The following BMPR1B variants were observed in gnomAD, a reference collection of about 807,000 sequenced individuals.
The protein encoded by BMPR1B is bone morphogenetic protein receptor type 1B, also known as bone morphogenetic protein receptor type-1B.
A neutral mutation model predicts 59.1 loss-of-function variants in BMPR1B; 12 were observed. That is an observed-to-expected ratio of 0.20 (90% CI 0.13 to 0.33). The LOEUF (loss-of-function observed/expected upper bound fraction) is 0.33. BMPR1B is among the 10% of genes least tolerant of loss of function. The pLI, the probability that BMPR1B is intolerant of heterozygous loss-of-function variation, is 1.00. For synonymous variants in BMPR1B, 237 were observed against 207.3 expected (o/e 1.14, Z -1.23); for missense variants, 550 against 610.9 (o/e 0.90, Z 1.05).
chr4:94,808,778 T>C (rs9999110), intron 1 of BMPR1B, among the ~76,000 whole-genome samples: 9,643 of 152,230 alleles, frequency 0.063, 424 homozygotes, highest in Middle Eastern at 0.15. Flanking sequence ...TTTTACAGGC[T>C]GGGCGCAGTG....
At chr4:94,825,849 A>G (rs1454917017) in intron 1 of BMPR1B, among the ~76,000 whole-genome samples, 2 of 152,222 alleles carry the variant, frequency 1.3e-5, no homozygotes, top group Admixed American at 6.5e-5. Context: ...AACAAATTTT[A>G]TAAGTACACA....
In BMPR1B at chr4:95,157,192, A is replaced by G. The variant is rs902084630; in HGVS notation, c.*2519A>G. ...TTGGAAAAGATTGGTCCTATCCTCA[A>G]TCTAATTTATTCACTATTAATATTT... On this transcript the variant is annotated 3_prime_UTR_variant, in exon 13 of 13. Coordinates refer to ENST00000515059, the MANE Select transcript of BMPR1B (RefSeq NM_001203.3). The G allele has an allele frequency of 2.6e-5, 4 of 152,116 alleles. No individual in the cohort carries two copies. Among genetic ancestry groups the G allele is most frequent in the Non-Finnish European group, 5.9e-5 (4 of 67,986 alleles). The allele number at this position is 152,116 out of a possible 1,614,324, so 9.4% of individuals were successfully genotyped here.
At chr4:95,051,845 C>T in intron 3 of BMPR1B, 1 of 1,439,298 alleles carries the variant, frequency 6.9e-7, no homozygotes, top group East Asian at 2.5e-5. Flanking sequence ...GCTTTTATCG[C>T]AGAAGGGAAA....
intron 8 of BMPR1B, among the ~76,000 whole-genome samples, chr4:95,128,699 G>T (rs906614121): frequency 6.6e-6 from 1 of 152,046 alleles, no homozygotes; most frequent in Non-Finnish European, 1.5e-5. Flanking sequence ...TTGTCTACCT[G>T]TTTTGCATTT....
At chr4:95,132,355 A>C (rs1169301979) in intron 10 of BMPR1B, among the ~76,000 whole-genome samples, 1 of 152,182 alleles carries the variant, frequency 6.6e-6, no homozygotes, top group Non-Finnish European at 1.5e-5. Context: ...ACAAAGAAAA[A>C]GTCATGGAGA....
intron 2 of BMPR1B, among the ~76,000 whole-genome samples, chr4:94,937,005 T>C (rs1207141681): frequency 2.0e-5 from 3 of 152,174 alleles, no homozygotes; most frequent in African/African-American, 4.8e-5. Flanking sequence ...CCTCCAGGAC[T>C]GGAGGAATGT....
chr4:94,972,286 CTTGT>C (rs61660592), intron 2 of BMPR1B, among the ~76,000 whole-genome samples: 14,125 of 151,744 alleles, frequency 0.093, 1,407 homozygotes, highest in African/African-American at 0.25. Flanking sequence ...CATTAGCTAA[CTTGT>C]TTATTTGCTC....
At chr4:94,944,922 G>A (rs17022671) in intron 2 of BMPR1B, among the ~76,000 whole-genome samples, 35,820 of 152,048 alleles carry the variant, frequency 0.24, 4,488 homozygotes, top group Middle Eastern at 0.28. Flanking sequence ...AACAGCAGCT[G>A]TGCACTTTTG....
At chr4:95,026,992 T>C (rs1724472976) in intron 3 of BMPR1B, among the ~76,000 whole-genome samples, 1 of 151,980 alleles carries the variant, frequency 6.6e-6, no homozygotes, top group Non-Finnish European at 1.5e-5. Context: ...CCCAAACTCC[T>C]GGGCTCAAGT....
At chr4:94,887,884 C>T (rs1240001024) in intron 2 of BMPR1B, among the ~76,000 whole-genome samples, 1 of 151,936 alleles carries the variant, frequency 6.6e-6, no homozygotes, top group Non-Finnish European at 1.5e-5. Context: ...ATCGGAATCC[C>T]TATATATTGA....
intron 2 of BMPR1B, among the ~76,000 whole-genome samples, chr4:94,927,156 T>G (rs187396315): frequency 6.6e-6 from 1 of 152,274 alleles, no homozygotes; most frequent in African/African-American, 2.4e-5. Context: ...ACTGGTTTGT[T>G]CATTCCTTGC....
intron 2 of BMPR1B, among the ~76,000 whole-genome samples, chr4:94,949,738 C>G (rs1422335425): frequency 6.6e-6 from 1 of 152,068 alleles, no homozygotes; most frequent in Non-Finnish European, 1.5e-5. Flanking sequence ...GTGAATAGTG[C>G]CACAATAAAC....
chr4:94,993,586 ACCCAT>A (rs956490538), intron 2 of BMPR1B, among the ~76,000 whole-genome samples: 11 of 151,728 alleles, frequency 7.2e-5, no homozygotes, highest in Non-Finnish European at 1.3e-4. Context: ...ATGGCAAAAC[ACCCAT>A]CTCTACTAAA....
intron 2 of BMPR1B, among the ~76,000 whole-genome samples, chr4:94,977,375 G>T (rs561283415): frequency 2.6e-5 from 4 of 151,704 alleles, no homozygotes; most frequent in African/African-American, 9.7e-5. Context: ...ACTATACCTG[G>T]TATTTTATTT....
chr4:95,026,098 A>ATTTCTTTC (rs70946580), intron 3 of BMPR1B, among the ~76,000 whole-genome samples: 11,103 of 100,912 alleles, frequency 0.11, 701 homozygotes, highest in African/African-American at 0.15. Context: ...GCTTTCTTTC[A>ATTTCTTTC]TTTCTTTCTT....
At chr4:95,030,274 A>T (rs1184528269) in intron 3 of BMPR1B, among the ~76,000 whole-genome samples, 1 of 152,192 alleles carries the variant, frequency 6.6e-6, no homozygotes, top group Admixed American at 6.6e-5. Flanking sequence ...TCTTTAATAC[A>T]TCTTGAATTA....
chr4:95,106,862 G>A (rs1398993728), intron 4 of BMPR1B, among the ~76,000 whole-genome samples: 1 of 151,716 alleles, frequency 6.6e-6, no homozygotes, highest in African/African-American at 2.4e-5. Context: ...GCTGCACTCT[G>A]CTGGGATTAG....
chr4:94,858,163 G>A (rs1725842832), intron 1 of BMPR1B, among the ~76,000 whole-genome samples: 2 of 151,962 alleles, frequency 1.3e-5, no homozygotes, highest in Admixed American at 6.6e-5. Context: ...TGTTAGCCAG[G>A]ATGGTCTCGA....
At chr4:95,127,324 G>A (rs552444166) in intron 8 of BMPR1B, among the ~76,000 whole-genome samples, 2,060 of 152,052 alleles carry the variant, frequency 0.014, 22 homozygotes, top group Admixed American at 0.028. Flanking sequence ...AAATAAATCA[G>A]TTAAAAAATT....
Sources: allele counts gnomAD v4.1 joint callset (sites outside exome capture counted in the v4.1 genomes callset), GRCh38; gene constraint gnomAD v4.1.1; transcripts MANE v1.5; gene names NCBI Gene and HGNC (gene_info 2026-07-23, HGNC 2026-07-21).